The following ADAMTS3 variants were observed in gnomAD, a reference collection of about 807,000 sequenced individuals.
The protein encoded by ADAMTS3 is A disintegrin and metalloproteinase with thrombospondin motifs 3.
Under a neutral mutation model 129.0 loss-of-function variants are expected in ADAMTS3, and 73 were observed. That is an observed-to-expected ratio of 0.57 (90% CI 0.47 to 0.69). ADAMTS3 has a LOEUF of 0.69. Among genes scored for constraint, ADAMTS3 ranks in the 30% least tolerant of loss-of-function variants. ADAMTS3 has a pLI of 0.00. For synonymous variants in ADAMTS3, 477 were observed against 510.8 expected, an observed-to-expected ratio of 0.93 and a Z score of 0.89; for missense variants, 1,457 against 1,514.5, an observed-to-expected ratio of 0.96 and a Z score of 0.63.
intron 3 of ADAMTS3, among the ~76,000 whole-genome samples, chr4:72,515,695 C>T (rs567372807): frequency 0.013 from 1,930 of 151,918 alleles, 31 homozygotes; most frequent in Middle Eastern, 0.037. Context: ...TTGTTTGTTT[C>T]TTGTAAATTT....
At chr4:72,391,308 A>C (rs1290437812) in intron 4 of ADAMTS3, among the ~76,000 whole-genome samples, 2 of 152,230 alleles carry the variant, frequency 1.3e-5, no homozygotes, top group Non-Finnish European at 2.9e-5. Flanking sequence ...CATTGCTCAA[A>C]TTGGTATTAG....
At chr4:72,332,700 T>C (rs1719881975) in intron 5 of ADAMTS3, among the ~76,000 whole-genome samples, 1 of 151,516 alleles carries the variant, frequency 6.6e-6, no homozygotes, top group South Asian at 2.1e-4. Flanking sequence ...CAGCAGAGTG[T>C]TGCTGATGGA....
chr4:72,530,995 C>T (rs1721027709), intron 3 of ADAMTS3, among the ~76,000 whole-genome samples: 1 of 150,492 alleles, frequency 6.6e-6, no homozygotes, highest in Non-Finnish European at 1.5e-5. Flanking sequence ...TGGGAAGCCA[C>T]TGAAATCTTG....
chr4:72,431,744 TCA>T (rs1214376859), intron 3 of ADAMTS3, among the ~76,000 whole-genome samples: 1 of 151,832 alleles, frequency 6.6e-6, no homozygotes, highest in Non-Finnish European at 1.5e-5. Context: ...GTGATAAGTA[TCA>T]TGAAGAAAAT....
chr4:72,345,765 T>G (rs1290218735), intron 4 of ADAMTS3, among the ~76,000 whole-genome samples: 1 of 152,194 alleles, frequency 6.6e-6, no homozygotes, highest in Admixed American at 6.6e-5. Context: ...CATGACATTT[T>G]TTAGATGGGA....
Position 72,306,259 on chromosome 4 carries a change from CT to C in ADAMTS3, c.2180-193del, listed in dbSNP as rs757045809. Among the ~76,000 whole-genome samples, 69 of 148,810 alleles carry C rather than the reference CT, an allele frequency of 4.6e-4. No individual in the cohort carries two copies. In the East Asian group the frequency reaches 5.7e-3, roughly 12 times the overall value. ...ACATCCAACATGAAATTAGAGGCAA[CT>C]TTTTTTTTTATTAAAGAGGGAAAAA... is the stretch of plus-strand genomic sequence containing the variant. On this transcript the variant is annotated intron_variant, in intron 15 of 21. Coordinates refer to ENST00000286657, the MANE Select transcript of ADAMTS3 (RefSeq NM_014243.3).
chr4:72,528,070 T>C (rs1720860376), intron 3 of ADAMTS3, among the ~76,000 whole-genome samples: 1 of 152,176 alleles, frequency 6.6e-6, no homozygotes, highest in Non-Finnish European at 1.5e-5. Context: ...ACAAGTAATG[T>C]ACATGTGGCC....
chr4:72,515,752 G>A (rs1424148726), intron 3 of ADAMTS3, among the ~76,000 whole-genome samples: 2 of 151,736 alleles, frequency 1.3e-5, no homozygotes, highest in Non-Finnish European at 2.9e-5. Flanking sequence ...TGTCAGATGA[G>A]TAGGTTGCGA....
At chr4:72,485,850 G>T (rs547507801) in intron 3 of ADAMTS3, among the ~76,000 whole-genome samples, 2 of 152,278 alleles carry the variant, frequency 1.3e-5, no homozygotes, top group East Asian at 3.9e-4. Flanking sequence ...TGAGATTAGT[G>T]CCCTTATAAA....
chr4:72,333,757 T>A (rs1383927919), intron 5 of ADAMTS3, among the ~76,000 whole-genome samples: 1 of 152,104 alleles, frequency 6.6e-6, no homozygotes, highest in African/African-American at 2.4e-5. Flanking sequence ...AATGGCTGGA[T>A]CTTTTACTTT....
intron 3 of ADAMTS3, among the ~76,000 whole-genome samples, chr4:72,481,248 C>T (rs1719427718): frequency 6.6e-6 from 1 of 152,016 alleles, no homozygotes. Flanking sequence ...AGAGTTAAGA[C>T]AATTTTGAAA....
intron 4 of ADAMTS3, among the ~76,000 whole-genome samples, chr4:72,382,535 T>C (rs1578631618): frequency 6.6e-6 from 1 of 152,250 alleles, no homozygotes; most frequent in East Asian, 1.9e-4. Context: ...CTACTGGGTA[T>C]CTACCCAAAG....
chr4:72,351,273 C>G (rs1720427234), intron 4 of ADAMTS3, among the ~76,000 whole-genome samples: 1 of 151,904 alleles, frequency 6.6e-6, no homozygotes, highest in South Asian at 2.1e-4. Flanking sequence ...TTGCTGAGAA[C>G]ATATGGTAGT....
At chr4:72,345,104 T>C (rs529386400) in intron 4 of ADAMTS3, among the ~76,000 whole-genome samples, 4 of 152,298 alleles carry the variant, frequency 2.6e-5, no homozygotes, top group African/African-American at 4.8e-5. Context: ...AAATGTATCA[T>C]AGTAGCATTC....
chr4:72,315,134 A>G (rs200886099), intron 11 of ADAMTS3, among the ~76,000 whole-genome samples: 1 of 152,172 alleles, frequency 6.6e-6, no homozygotes, highest in Non-Finnish European at 1.5e-5. Flanking sequence ...TTTCTGGGCA[A>G]CTTTCACAAG....
At chr4:72,493,667 G>T (rs1042601245) in intron 3 of ADAMTS3, among the ~76,000 whole-genome samples, 2 of 152,000 alleles carry the variant, frequency 1.3e-5, no homozygotes, top group African/African-American at 2.4e-5. Flanking sequence ...CCATTTGGCT[G>T]TATCTGTTAT....
rs1378836610 is a variant in ADAMTS3, at chr4:72,290,962, T to C, written c.2824A>G (p.Asn942Asp). 2 of 1,614,062 alleles carry C rather than the reference T, an allele frequency of 1.2e-6. No homozygotes were observed. The highest frequency in any genetic ancestry group is 1.7e-6 in the Non-Finnish European group (2 of 1,179,964). Reference sequence around the variant, plus strand: ...CAGTATTTGCTGTGCACAGAGCGGTTGGTGCCATCAAGGAGTGGCTGAAGG... The same window carrying C: ...CAGTATTTGCTGTGCACAGAGCGGTCGGTGCCATCAAGGAGTGGCTGAAGG... Reference protein sequence around the residue: ...RCLQPLLDGTNRSVHSKYCMG... With the variant: ...RCLQPLLDGTDRSVHSKYCMG... Residue 942 changes from asparagine (N) to aspartate (D), a missense_variant, in exon 20 of 22, where the codon AAC (asparagine) becomes GAC (aspartate). Physicochemically the swap from Asn to Asp is conservative, Grantham distance 23. Coordinates refer to ENST00000286657, the MANE Select transcript of ADAMTS3 (RefSeq NM_014243.3).
chr4:72,332,510 T>A (rs368826990), intron 5 of ADAMTS3, among the ~76,000 whole-genome samples: 1 of 152,210 alleles, frequency 6.6e-6, no homozygotes. Context: ...AGTCCAAGAC[T>A]GTTTCTTTGT....
chr4:72,407,835 T>C (rs1722087283), intron 4 of ADAMTS3, among the ~76,000 whole-genome samples: 1 of 149,464 alleles, frequency 6.7e-6, no homozygotes, highest in Non-Finnish European at 1.5e-5. Flanking sequence ...TTCATATACT[T>C]AGTAAGGTGC....
Sources: gnomAD v4.1 joint callset for allele counts (sites outside exome capture counted in the v4.1 genomes callset) on GRCh38, gnomAD v4.1.1 for gene constraint, MANE v1.5 for transcripts, NCBI Gene and HGNC (gene_info 2026-07-23, HGNC 2026-07-21) for gene names.